Variants in SAMD4A observed in about 807,000 individuals in gnomAD.
SAMD4A encodes the protein protein Smaug homolog 1.
SAMD4A carries 33 observed loss-of-function variants against 81.3 expected under a neutral mutation model. The observed-to-expected ratio is 0.41, with a 90% CI of 0.31 to 0.54. The LOEUF (loss-of-function observed/expected upper bound fraction) is 0.54. SAMD4A is among the 20% of genes least tolerant of loss of function. The pLI is 0.37. For missense variants in SAMD4A, 854 were observed against 951.1 expected (o/e 0.90, Z 1.34); for synonymous variants, 389 against 382.1 (o/e 1.02, Z -0.21).
chr14:54,687,415 A>G (rs775673086), intron 2 of SAMD4A: 48 of 445,082 alleles, frequency 1.1e-4, no homozygotes, highest in Non-Finnish European at 1.8e-4. Context: ...TGGTGTCCAC[A>G]GCCCTGATTA....
chr14:54,728,314 A>G (rs1351920529), intron 3 of SAMD4A, among the ~76,000 whole-genome samples: 1 of 152,208 alleles, frequency 6.6e-6, no homozygotes, highest in Non-Finnish European at 1.5e-5. Flanking sequence ...CAATCTCACC[A>G]TGTTCCAACA....
chr14:54,722,863 A>G (rs2037297164), intron 3 of SAMD4A, among the ~76,000 whole-genome samples: 4 of 152,190 alleles, frequency 2.6e-5, no homozygotes, highest in Admixed American at 2.6e-4. Context: ...TAGCACCATC[A>G]TTTAAATTCC....
intron 2 of SAMD4A, among the ~76,000 whole-genome samples, chr14:54,646,701 A>T (rs1017748778): frequency 1.3e-5 from 2 of 152,242 alleles, no homozygotes; most frequent in African/African-American, 4.8e-5. Flanking sequence ...CTATTTCATC[A>T]GTTCACTGGG....
At chr14:54,577,276 C>T (rs937222134) in intron 2 of SAMD4A, among the ~76,000 whole-genome samples, 26 of 152,352 alleles carry the variant, frequency 1.7e-4, no homozygotes, top group African/African-American at 3.1e-4. Flanking sequence ...GTCTCAAAGA[C>T]GCCCCAAGGC....
Position 54,702,189 on chromosome 14 carries a change from C to T in SAMD4A, c.324C>T (p.Ile108=), listed in dbSNP as rs773078791. ...AATATATGAAACTGCTGCCCAAAAT[C>T]CTGGCTCACTCTATTGAACACAACC... ...KVEYMKLLPK[I]LAHSIEHNQH... The change falls in exon 3 of 13, where the codon ATC becomes ATT. Residue 108 remains isoleucine, a synonymous_variant. Coordinates refer to ENST00000554335, the MANE Select transcript of SAMD4A (RefSeq NM_015589.6). 6.2e-7 allele frequency: 1 copy of T among 1,614,182 alleles called. No homozygotes were observed. Among genetic ancestry groups the T allele is most frequent in the Non-Finnish European group, 8.5e-7 (1 of 1,180,026 alleles).
intron 2 of SAMD4A, among the ~76,000 whole-genome samples, chr14:54,600,301 C>T (rs2034020216): frequency 6.6e-6 from 1 of 152,186 alleles, no homozygotes; most frequent in Non-Finnish European, 1.5e-5. Flanking sequence ...TAATATTCCA[C>T]CATTAACTGC....
In SAMD4A at chr14:54,702,136, A is replaced by T. The variant is rs1199458388; in HGVS notation, c.271A>T (p.Lys91Ter). 1 of 1,614,176 alleles carries T rather than the reference A, an allele frequency of 6.2e-7. No individual in the cohort carries two copies. Residue 91 changes from lysine to a stop codon, truncating the protein, a stop_gained, in exon 3 of 13, where the codon AAG (lysine) becomes TAG (stop). Coordinates refer to ENST00000554335, the MANE Select transcript of SAMD4A (RefSeq NM_015589.6). LOFTEE classifies it high-confidence loss of function. ...SLLLTHLPLL[K>*]PGNLDAKVEY... ...CCTGTTAACTCATCTGCCTTTGCTG[A>T]AGCCAGGAAACCTCGACGCGAAAGT...
intron 2 of SAMD4A, among the ~76,000 whole-genome samples, chr14:54,638,794 G>A (rs1272144083): frequency 6.6e-6 from 1 of 152,044 alleles, no homozygotes; most frequent in African/African-American, 2.4e-5. Context: ...AATAATTTCT[G>A]GCCTAGCTAG....
At chr14:54,752,114 A>G (rs1430745131) in intron 6 of SAMD4A, among the ~76,000 whole-genome samples, 2 of 152,248 alleles carry the variant, frequency 1.3e-5, no homozygotes, top group Admixed American at 1.3e-4. Flanking sequence ...TCTGATAGGA[A>G]CCATCTCAAA....
chr14:54,789,060 CT>C lies in SAMD4A; in HGVS notation c.*117del, dbSNP rs1387919309. ...AGATACTTTGCAGCCTTTTTTCCCC[CT>C]GGTCCCTCTCCCGTTTTGATTTTGT... On this transcript the variant is annotated 3_prime_UTR_variant, in exon 13 of 13. Transcript: ENST00000554335. The C allele has an allele frequency of 5.1e-5, 59 of 1,151,832 alleles. No individual in the cohort carries two copies. Among genetic ancestry groups the C allele is most frequent in the Middle Eastern group, 3.8e-4 (2 of 5,248 alleles). 71.4% of individuals were successfully genotyped at this position (1,151,832 alleles called of 1,614,324 possible).
chr14:54,713,334 C>T (rs1736339995), intron 3 of SAMD4A, among the ~76,000 whole-genome samples: 1 of 152,108 alleles, frequency 6.6e-6, no homozygotes, highest in African/African-American at 2.4e-5. Flanking sequence ...CGGCCATCTC[C>T]CATCCCCACC....
intron 2 of SAMD4A, among the ~76,000 whole-genome samples, chr14:54,622,500 T>C (rs184721517): frequency 2.5e-4 from 38 of 152,376 alleles, no homozygotes; most frequent in Admixed American, 2.2e-3. Context: ...ATGTCACATT[T>C]GGGTAATTCT....
At chr14:54,692,585 T>C (rs2036467989) in intron 2 of SAMD4A, among the ~76,000 whole-genome samples, 1 of 152,104 alleles carries the variant, frequency 6.6e-6, no homozygotes, top group African/African-American at 2.4e-5. Flanking sequence ...GGATTGCTAA[T>C]TCATTATTTT....
intron 6 of SAMD4A, among the ~76,000 whole-genome samples, chr14:54,752,012 T>G (rs781328880): frequency 6.6e-6 from 1 of 152,088 alleles, no homozygotes; most frequent in Non-Finnish European, 1.5e-5. Context: ...CTGCAGATAG[T>G]GGGGTTCAAA....
At chr14:54,746,572 G>C (rs1387496035) in intron 4 of SAMD4A, among the ~76,000 whole-genome samples, 2 of 152,026 alleles carry the variant, frequency 1.3e-5, no homozygotes, top group African/African-American at 4.8e-5. Context: ...GCTGGGATTT[G>C]CACTCCAACC....
chr14:54,722,319 T>C (rs7148283), intron 3 of SAMD4A, among the ~76,000 whole-genome samples: 140,079 of 152,218 alleles, frequency 0.92, 65,021 homozygotes, highest in East Asian at 1. Context: ...TGTGACAGCT[T>C]TGGTTCTGGA....
chr14:54,619,597 G>T (rs777905930), intron 2 of SAMD4A, among the ~76,000 whole-genome samples: 2 of 152,180 alleles, frequency 1.3e-5, no homozygotes, highest in African/African-American at 4.8e-5. Context: ...TGCAGGTTTT[G>T]TTATATAGGC....
chr14:54,697,144 C>A (rs2036596628), intron 2 of SAMD4A, among the ~76,000 whole-genome samples: 1 of 152,202 alleles, frequency 6.6e-6, no homozygotes, highest in Non-Finnish European at 1.5e-5. Flanking sequence ...CCAGTGTGAC[C>A]AAGTCCCTGC....
chr14:54,619,549 A>T (rs2034566942), intron 2 of SAMD4A, among the ~76,000 whole-genome samples: 1 of 151,960 alleles, frequency 6.6e-6, no homozygotes, highest in African/African-American at 2.4e-5. Flanking sequence ...CATTTTTTTT[A>T]ATTTAATTTT....
Sources: gnomAD v4.1 joint callset for allele counts (sites outside exome capture counted in the v4.1 genomes callset) on GRCh38, gnomAD v4.1.1 for gene constraint, MANE v1.5 for transcripts, NCBI Gene and HGNC (gene_info 2026-07-23, HGNC 2026-07-21) for gene names.